Variants in SCARA5 observed in about 807,000 individuals in gnomAD.
SCARA5 encodes scavenger receptor class A, member 5 (putative).
In SCARA5, 45 loss-of-function variants were observed where a neutral mutation model predicts 46.3. The observed-to-expected ratio is 0.97, with a 90% CI of 0.76 to 1.24. The LOEUF is 1.24. SCARA5 is among the 50% of genes most tolerant of loss of function. The pLI, the probability that SCARA5 is intolerant of heterozygous loss-of-function variation, is 0.00. For synonymous variants in SCARA5, 333 were observed against 306.5 expected, an observed-to-expected ratio of 1.09 and a Z score of -0.90; for missense variants, 680 against 689.0, an observed-to-expected ratio of 0.99 and a Z score of 0.15.
intron 3 of SCARA5, among the ~76,000 whole-genome samples, chr8:27,965,384 G>T (rs1183907414): frequency 1.3e-5 from 2 of 152,228 alleles, no homozygotes; most frequent in East Asian, 3.8e-4. Context: ...GCTCGGCCTG[G>T]CCAGCAGCCT....
chr8:27,945,388 T>C (rs988320496), intron 3 of SCARA5, among the ~76,000 whole-genome samples: 5 of 152,160 alleles, frequency 3.3e-5, no homozygotes, highest in African/African-American at 7.2e-5. Flanking sequence ...GGCTTCCCCA[T>C]TTGTGGGGCA....
At chr8:27,930,998 G>A (rs1807763806) in intron 3 of SCARA5, among the ~76,000 whole-genome samples, 1 of 152,232 alleles carries the variant, frequency 6.6e-6, no homozygotes, top group Non-Finnish European at 1.5e-5. Context: ...GAGAAAAAGG[G>A]AGGGGCCTTC....
At chr8:27,964,276 G>A (rs933305270) in intron 3 of SCARA5, among the ~76,000 whole-genome samples, 9 of 152,106 alleles carry the variant, frequency 5.9e-5, no homozygotes, top group African/African-American at 1.7e-4. Flanking sequence ...AGGTAAGAGC[G>A]GCCACACACC....
intron 3 of SCARA5, among the ~76,000 whole-genome samples, chr8:27,930,613 G>A (rs369648944): frequency 4.1e-4 from 62 of 152,194 alleles, no homozygotes; most frequent in African/African-American, 1.4e-3. Context: ...TGTTGGTCAG[G>A]CTGGTCTCGA....
At chr8:27,959,668 C>T (rs540713851) in intron 3 of SCARA5, among the ~76,000 whole-genome samples, 9 of 152,236 alleles carry the variant, frequency 5.9e-5, no homozygotes, top group Admixed American at 1.3e-4. Flanking sequence ...GAGGAGAATG[C>T]CTTGTTATGA....
At chr8:27,934,311 T>C (rs1807822406) in intron 3 of SCARA5, among the ~76,000 whole-genome samples, 1 of 152,110 alleles carries the variant, frequency 6.6e-6, no homozygotes, top group African/African-American at 2.4e-5. Flanking sequence ...CACTTCAGGG[T>C]CTTGTTCCCA....
At chr8:27,966,312 C>G (rs1585517860) in intron 3 of SCARA5, 102 bp downstream of exon 3, 1 of 1,223,398 alleles carries the variant, frequency 8.2e-7, no homozygotes, top group East Asian at 2.5e-5. Flanking sequence ...TCCATGGTGA[C>G]AAGGGCAGTG....
chr8:27,959,651 T>G (rs1044256057), intron 3 of SCARA5, among the ~76,000 whole-genome samples: 2 of 152,082 alleles, frequency 1.3e-5, no homozygotes, highest in Non-Finnish European at 2.9e-5. Flanking sequence ...TGAGCAATCG[T>G]GAGGATGAGG....
At chr8:27,985,771 C>A (rs1808696430) in intron 2 of SCARA5, among the ~76,000 whole-genome samples, 1 of 152,190 alleles carries the variant, frequency 6.6e-6, no homozygotes, top group South Asian at 2.1e-4. Flanking sequence ...GCACCTGGGC[C>A]CTAGCATCAG....
intron 3 of SCARA5, 102 bp downstream of exon 3, chr8:27,966,305 ATGGTGAC>A (rs1808366286): frequency 8.6e-7 from 1 of 1,163,102 alleles, no homozygotes; most frequent in Non-Finnish European, 1.2e-6. Context: ...TATGGTTTCC[ATGGTGAC>A]AAGGGCAGTG....
intron 8 of SCARA5, 63 bp downstream of exon 8, chr8:27,879,506 G>A: frequency 4.0e-6 from 6 of 1,500,120 alleles, no homozygotes; most frequent in Non-Finnish European, 4.6e-6. Flanking sequence ...GGCTTTGGAG[G>A]TGAGCCCAGT....
chr8:27,979,134 C>T (rs1334335840), intron 2 of SCARA5, among the ~76,000 whole-genome samples: 1 of 152,174 alleles, frequency 6.6e-6, no homozygotes, highest in African/African-American at 2.4e-5. Flanking sequence ...CCCAGGGGCA[C>T]TGGCTATCCC....
rs1563519550 is a variant in SCARA5 at position 27,905,612 on chromosome 8, A to ATTGACG, written c.1097-779_1097-778insCGTCAA. 5.4e-5 allele frequency among the ~76,000 whole-genome samples: 8 copies of ATTGACG among 149,006 alleles called. No individual in the cohort carries two copies. The East Asian group carries it at 9.8e-4, about 18-fold the overall frequency. The stretch of plus-strand genomic sequence containing the variant: ...GCAGGGTGTGCTCCAAAGCATTGAC[A>ATTGACG]GTAGTTATTCTAAAGAATAAGAGCT... On this transcript the variant is annotated intron_variant, in intron 6 of 8. Coordinates refer to ENST00000354914, the MANE Select transcript of SCARA5 (RefSeq NM_173833.6).
intron 3 of SCARA5, among the ~76,000 whole-genome samples, chr8:27,925,969 G>C (rs1807673829): frequency 6.6e-6 from 1 of 152,204 alleles, no homozygotes; most frequent in Non-Finnish European, 1.5e-5. Context: ...GAGAGGATGT[G>C]GAGAAATAAG....
chr8:27,896,572 G>C (rs1563516026), intron 7 of SCARA5, among the ~76,000 whole-genome samples: 1 of 152,152 alleles, frequency 6.6e-6, no homozygotes, highest in Non-Finnish European at 1.5e-5. Context: ...CAGGAGCTCA[G>C]TGACCGGGGT....
chr8:27,964,290 G>C (rs1036268004), intron 3 of SCARA5, among the ~76,000 whole-genome samples: 1 of 152,042 alleles, frequency 6.6e-6, no homozygotes, highest in Non-Finnish European at 1.5e-5. Context: ...ACACACCCAG[G>C]GCCAAGAGAT....
chr8:27,876,514 G>C (rs77625547), intron 8 of SCARA5, among the ~76,000 whole-genome samples: 1 of 152,138 alleles, frequency 6.6e-6, no homozygotes, highest in African/African-American at 2.4e-5. Flanking sequence ...GCTGGGATGG[G>C]GTCTGACTGG....
rs576722884 is a variant in SCARA5, at chr8:27,923,339, C to T, written c.242-1094G>A. ...TCTGGGTGTTCTCAGAGTGTTCTCA[C>T]GACTTCTGATAAGCCACAGTGTCTC... On this transcript the variant is annotated intron_variant, in intron 3 of 8. Transcript: ENST00000354914. Among the ~76,000 whole-genome samples, 65 of 152,276 alleles carry T rather than the reference C, an allele frequency of 4.3e-4. No homozygotes were observed. The South Asian group carries it at 8.5e-3, about 20-fold the overall frequency.
intron 8 of SCARA5, among the ~76,000 whole-genome samples, chr8:27,878,246 C>T (rs1210181213): frequency 3.9e-5 from 6 of 152,200 alleles, no homozygotes; most frequent in Non-Finnish European, 8.8e-5. Flanking sequence ...CCAGGGGGCC[C>T]AGGCTGGGAG....
Sources: gnomAD v4.1 joint callset for allele counts (sites outside exome capture counted in the v4.1 genomes callset) on GRCh38, gnomAD v4.1.1 for gene constraint, MANE v1.5 for transcripts, NCBI Gene and HGNC (gene_info 2026-07-23, HGNC 2026-07-21) for gene names.